The following RIN2 variants were observed in gnomAD, a reference collection of about 807,000 sequenced individuals.
RIN2 encodes the protein Ras and Rab interactor 2, also known as RAB5 interacting protein 2.
Under a neutral mutation model 78.0 loss-of-function variants are expected in RIN2, and 36 were observed. That is an observed-to-expected ratio of 0.46 (90% CI 0.35 to 0.61). The LOEUF is 0.61. RIN2 is among the 20% of genes least tolerant of loss of function. The pLI is 0.00. For synonymous variants in RIN2, 466 were observed against 466.8 expected (o/e 1.00, Z 0.02); for missense variants, 1,087 against 1,159.7 (o/e 0.94, Z 0.91).
At chr20:19,973,907 A>G (rs2042185301) in intron 8 of RIN2, among the ~76,000 whole-genome samples, 1 of 152,226 alleles carries the variant, frequency 6.6e-6, no homozygotes, top group Non-Finnish European at 1.5e-5. Context: ...AAGAGGAGAC[A>G]CAGGCAGTAC....
intron 4 of RIN2, among the ~76,000 whole-genome samples, chr20:19,936,866 G>C (rs2040665216): frequency 6.6e-6 from 1 of 152,114 alleles, no homozygotes; most frequent in Non-Finnish European, 1.5e-5. Context: ...ATTTTATTTG[G>C]CTTTTTTTTA....
intron 3 of RIN2, among the ~76,000 whole-genome samples, chr20:19,893,515 A>C (rs1020520631): frequency 6.6e-6 from 1 of 152,168 alleles, no homozygotes; most frequent in Non-Finnish European, 1.5e-5. Context: ...AGTAGTTAGC[A>C]CTACTAGTGA....
At chr20:19,865,752 A>G (rs2037486870) in intron 2 of RIN2, among the ~76,000 whole-genome samples, 1 of 152,066 alleles carries the variant, frequency 6.6e-6, no homozygotes, top group African/African-American at 2.4e-5. Flanking sequence ...TTGGCCTCCC[A>G]AAGTGCTGGG....
At chr20:19,986,962 A>G (rs997123070) in intron 9 of RIN2, among the ~76,000 whole-genome samples, 1 of 152,218 alleles carries the variant, frequency 6.6e-6, no homozygotes, top group African/African-American at 2.4e-5. Flanking sequence ...GATCCTCCCC[A>G]AGGGGGACTG....
intron 1 of RIN2, among the ~76,000 whole-genome samples, chr20:19,797,860 T>A (rs1397376562): frequency 1.4e-5 from 1 of 71,344 alleles, no homozygotes; most frequent in Non-Finnish European, 2.5e-5. Flanking sequence ...CTACTTAATC[T>A]TTTTTTTTTT....
chr20:19,764,918 G>GTGTTTT (rs1274106795), intron 1 of RIN2, among the ~76,000 whole-genome samples: 1 of 50,390 alleles, frequency 2.0e-5, no homozygotes, highest in African/African-American at 6.4e-5. Flanking sequence ...CACTTTCTGC[G>GTGTTTT]TTTTTTTTTT....
chr20:19,934,732 A>C (rs1376341961), intron 3 of RIN2: 3 of 426,948 alleles, frequency 7.0e-6, no homozygotes, highest in Non-Finnish European at 9.4e-6. Flanking sequence ...TGCCAAATGA[A>C]TATTGAGGCC....
intron 2 of RIN2, among the ~76,000 whole-genome samples, chr20:19,852,521 G>A (rs2037014940): frequency 6.6e-6 from 1 of 152,134 alleles, no homozygotes; most frequent in South Asian, 2.1e-4. Flanking sequence ...AAGAAGCATT[G>A]GTTGGGCGAT....
chr20:19,818,659 A>T (rs2035838541), intron 2 of RIN2, among the ~76,000 whole-genome samples: 1 of 151,490 alleles, frequency 6.6e-6, no homozygotes, highest in Non-Finnish European at 1.5e-5. Flanking sequence ...TTGAACCCGG[A>T]AGGCAGAAGT....
chr20:19,912,330 G>A (rs1474184281), intron 3 of RIN2, among the ~76,000 whole-genome samples: 2 of 152,124 alleles, frequency 1.3e-5, no homozygotes, highest in Non-Finnish European at 2.9e-5. Context: ...TTGGTCTCCT[G>A]CTGCAGGTCC....
intron 4 of RIN2, among the ~76,000 whole-genome samples, chr20:19,944,504 C>T (rs996533135): frequency 3.9e-5 from 6 of 152,216 alleles, no homozygotes; most frequent in African/African-American, 1.4e-4. Context: ...CCTGCATTGG[C>T]CTCTTGTAGC....
chr20:19,992,307 C>T lies in RIN2; in HGVS notation c.2200+8C>T, dbSNP rs578098400. The stretch of plus-strand genomic sequence containing the variant: ...CGCTGTTACATGGAGAAGGTAACTG[C>T]TTTTGAGAAAAGTTGAAGGAACTGG... On this transcript the variant is annotated splice_region_variant and intron_variant, in intron 11 of 12. Coordinates refer to ENST00000255006, the MANE Select transcript of RIN2 (RefSeq NM_018993.4). 10 of 1,546,890 alleles carry T rather than the reference C, an allele frequency of 6.5e-6. No homozygotes were observed. The Admixed American group carries it at 1.2e-4, about 19-fold the overall frequency.
chr20:19,904,231 CA>C (rs200273051), intron 3 of RIN2, among the ~76,000 whole-genome samples: 14,473 of 121,018 alleles, frequency 0.12, 867 homozygotes, highest in East Asian at 0.28. Context: ...GACTTCGTCT[CA>C]AAAAAAAAAT....
chr20:19,915,543 C>T (rs1401691253), intron 3 of RIN2, among the ~76,000 whole-genome samples: 2 of 152,144 alleles, frequency 1.3e-5, no homozygotes, highest in South Asian at 4.1e-4. Context: ...AGTCTCTGCT[C>T]CATGTGTCCC....
At position 19,830,320 on chromosome 20, in the gene RIN2, G is replaced by T. The variant is rs569666576; in HGVS notation, c.-37+30573G>T. 3.3e-4 allele frequency among the ~76,000 whole-genome samples: 50 copies of T among 152,144 alleles called. 1 individual carries two copies. The highest frequency in any genetic ancestry group is 1.2e-3 in the African/African-American group (49 of 41,494). On this transcript the variant is annotated intron_variant, in intron 2 of 12. Transcript: ENST00000255006. ...AGCTTTTCATTAACTTTTATGCCAG[G>T]CCTCAAATCTTCTTTTACTTACATG...
intron 2 of RIN2, among the ~76,000 whole-genome samples, chr20:19,876,359 G>C (rs1375229936): frequency 6.6e-6 from 1 of 152,076 alleles, no homozygotes. Flanking sequence ...TCTACTCTCT[G>C]TGTATACCCC....
At chr20:19,838,995 G>A (rs2123065134) in intron 2 of RIN2, among the ~76,000 whole-genome samples, 1 of 152,254 alleles carries the variant, frequency 6.6e-6, no homozygotes, top group African/African-American at 2.4e-5. Context: ...TCCATGAGTG[G>A]ACCAACCTGA....
chr20:19,823,398 T>C, intron 2 of RIN2: 4 of 664,002 alleles, frequency 6.0e-6, no homozygotes, highest in South Asian at 1.7e-5. Flanking sequence ...CTTTTTTTTT[T>C]TTCTTTTTTT....
chr20:19,841,243 C>T (rs561460777), intron 2 of RIN2, among the ~76,000 whole-genome samples: 8 of 151,840 alleles, frequency 5.3e-5, no homozygotes, highest in Middle Eastern at 3.4e-3. Flanking sequence ...AATCCTTAGC[C>T]GAGTGAGGTG....
Sources: allele counts gnomAD v4.1 joint callset (sites outside exome capture counted in the v4.1 genomes callset), GRCh38; gene constraint gnomAD v4.1.1; transcripts MANE v1.5; gene names NCBI Gene and HGNC (gene_info 2026-07-23, HGNC 2026-07-21).